Variants in CCDC180 observed in about 807,000 individuals in gnomAD.
CCDC180 encodes coiled-coil domain-containing protein 180.
Under a neutral mutation model 209.2 loss-of-function variants are expected in CCDC180, and 154 were observed. That is an observed-to-expected ratio of 0.74 (90% CI 0.65 to 0.84). The LOEUF is 0.84. CCDC180 is among the 40% of genes least tolerant of loss of function. The probability of loss-of-function intolerance (pLI) is 0.00; values close to 1 mark genes in which losing one functional copy is unlikely to be tolerated. For missense variants in CCDC180, 1,874 were observed against 1,997.3 expected (o/e 0.94, Z 1.18); for synonymous variants, 778 against 749.1 (o/e 1.04, Z -0.63).
At chr9:97,313,672 C>T (rs1003854814) in intron 5 of CCDC180, among the ~76,000 whole-genome samples, 6 of 152,228 alleles carry the variant, frequency 3.9e-5, no homozygotes, top group African/African-American at 1.4e-4. Context: ...GCCTAGCCTT[C>T]GGCCTCCCTG....
At chr9:97,355,059 A>G (rs951903398) in intron 24 of CCDC180, 51 bp downstream of exon 24, 5 of 1,236,278 alleles carry the variant, frequency 4.0e-6, no homozygotes, top group Admixed American at 1.7e-5. Context: ...ACACCTGCAC[A>G]CCAGGCACTG....
intron 19 of CCDC180, chr9:97,345,493 C>A: frequency 5.4e-6 from 2 of 373,242 alleles, no homozygotes; most frequent in Non-Finnish European, 1.0e-5. Context: ...CTCATTGGGC[C>A]ATTTGGTTAT....
intron 18 of CCDC180, among the ~76,000 whole-genome samples, chr9:97,338,857 A>G (rs1825989462): frequency 6.6e-6 from 1 of 152,208 alleles, no homozygotes; most frequent in Non-Finnish European, 1.5e-5. Flanking sequence ...TTGGATGCAT[A>G]TATATTTATG....
chr9:97,307,907 GGTGCCGCCTCGAGGCCAGACGTC>G (rs1201778867), intron 1 of CCDC180, 53 bp from the exon 2 acceptor site: 38 of 1,586,452 alleles, frequency 2.4e-5, no homozygotes, highest in South Asian at 1.5e-4. Context: ...CCTGCCCTGG[GGTGCCGCCTCGAGGCCAGACGTC>G]GTCCCGCCTG....
chr9:97,315,072 G>C (rs1187466651), intron 8 of CCDC180, 126 bp downstream of exon 8: 8 of 679,572 alleles, frequency 1.2e-5, no homozygotes, highest in East Asian at 5.5e-5. Flanking sequence ...ACGTTTCTAA[G>C]GGGCTCAGGT....
intron 16 of CCDC180, 85 bp from the exon 17 acceptor site, chr9:97,330,066 CAAA>C (rs34372293): frequency 0.05 from 27,598 of 550,804 alleles, no homozygotes; most frequent in Middle Eastern, 0.06. Context: ...AGACTCCTCT[CAAA>C]AAAAAAAAAA....
At chr9:97,352,947 A>G (rs34616426) in intron 22 of CCDC180, among the ~76,000 whole-genome samples, 1,043 of 95,708 alleles carry the variant, frequency 0.011, 11 homozygotes, top group African/African-American at 0.029. Flanking sequence ...ATACGTATGT[A>G]TATATATATA....
chr9:97,374,529 T>C lies in CCDC180; in HGVS notation c.4601-14T>C. On this transcript the variant is annotated splice_polypyrimidine_tract_variant and intron_variant, in intron 34 of 36. Coordinates refer to ENST00000529487, the MANE Select transcript of CCDC180 (RefSeq NM_020893.6). ...CGGTGAGGCTGCAGTCACTAGCCTG[T>C]CTTTTGCCTCTAGGGATGGAGCCCC... 6.2e-7 allele frequency: 1 copy of C among 1,604,416 alleles called. No individual in the cohort carries two copies. The highest frequency in any genetic ancestry group is 1.3e-5 in the African/African-American group (1 of 74,834).
chr9:97,336,030 A>T (rs781136263), intron 18 of CCDC180, among the ~76,000 whole-genome samples: 2 of 151,782 alleles, frequency 1.3e-5, no homozygotes, highest in South Asian at 4.2e-4. Flanking sequence ...GGGTTGTTTG[A>T]TTTTTTCTTG....
At chr9:97,326,357 C>T (rs1833534199) in intron 14 of CCDC180, among the ~76,000 whole-genome samples, 197 bp from the exon 15 acceptor site, 1 of 152,112 alleles carries the variant, frequency 6.6e-6, no homozygotes, top group Non-Finnish European at 1.5e-5. Context: ...ACACTGCAGG[C>T]AGAGAAAAGT....
At chr9:97,333,439 G>T (rs183468335) in intron 18 of CCDC180, among the ~76,000 whole-genome samples, 1 of 150,130 alleles carries the variant, frequency 6.7e-6, no homozygotes, top group Non-Finnish European at 1.5e-5. Flanking sequence ...TTCAGCAGAA[G>T]TGATACCAGC....
At chr9:97,328,192 A>T (rs1464694941) in intron 16 of CCDC180, 46 bp downstream of exon 16, 1 of 1,594,910 alleles carries the variant, frequency 6.3e-7, no homozygotes, top group Non-Finnish European at 8.6e-7. Flanking sequence ...GAAGAAGCTA[A>T]GGGAGAGGCT....
chr9:97,313,826 C>T (rs1292166212), intron 5 of CCDC180, among the ~76,000 whole-genome samples: 2 of 152,338 alleles, frequency 1.3e-5, no homozygotes, highest in Non-Finnish European at 2.9e-5. Flanking sequence ...GGAATGTTCC[C>T]TAAACGAGAC....
chr9:97,340,716 G>A lies in CCDC180; in HGVS notation c.2275-2624G>A, dbSNP rs537738412. 2.5e-3 allele frequency among the ~76,000 whole-genome samples: 385 copies of A among 152,288 alleles called. 1 individual carries two copies. Among genetic ancestry groups the A allele is most frequent in the Non-Finnish European group, 3.7e-3 (251 of 68,024 alleles). ...CGGTGACGCCAGCATCTGGGAAGAC[G>A]CCTGTTGCCAGGCGGACCATGGTCT... On this transcript the variant is annotated intron_variant, in intron 18 of 36. Transcript: ENST00000529487.
At chr9:97,333,511 T>TG (rs1825810928) in intron 18 of CCDC180, among the ~76,000 whole-genome samples, 4 of 149,006 alleles carry the variant, frequency 2.7e-5, no homozygotes, top group Non-Finnish European at 3.0e-5. Flanking sequence ...GGGTTTTTTT[T>TG]TTTTTTTTTT....
At chr9:97,358,601 C>A (rs1420400693) in intron 25 of CCDC180, among the ~76,000 whole-genome samples, 1 of 152,082 alleles carries the variant, frequency 6.6e-6, no homozygotes, top group Non-Finnish European at 1.5e-5. Flanking sequence ...CGACTCTGTC[C>A]CCCAGTGAAT....
At chr9:97,328,490 A>G (rs1232753161) in intron 16 of CCDC180, among the ~76,000 whole-genome samples, 3 of 151,954 alleles carry the variant, frequency 2.0e-5, no homozygotes, top group African/African-American at 7.3e-5. Context: ...TCCCTCCCCA[A>G]CTGTGCAGCC....
chr9:97,313,113 C>A, intron 4 of CCDC180, 123 bp from the exon 5 acceptor site: 1 of 654,858 alleles, frequency 1.5e-6, no homozygotes. Flanking sequence ...GCCTCTGCCA[C>A]CCTGACCTGG....
intron 13 of CCDC180, among the ~76,000 whole-genome samples, chr9:97,324,633 G>A (rs907694393): frequency 6.6e-6 from 1 of 152,132 alleles, no homozygotes; most frequent in Non-Finnish European, 1.5e-5. Context: ...GTGGTGTTTG[G>A]CCCAGATGCC....
Sources: allele counts gnomAD v4.1 joint callset (sites outside exome capture counted in the v4.1 genomes callset), GRCh38; gene constraint gnomAD v4.1.1; transcripts MANE v1.5; gene names NCBI Gene and HGNC (gene_info 2026-07-23, HGNC 2026-07-21).